The following SPAG16 variants were observed in gnomAD, a reference collection of about 807,000 sequenced individuals.
SPAG16 encodes sperm associated antigen 16.
Under a neutral mutation model 80.4 loss-of-function variants are expected in SPAG16, and 86 were observed. The ratio of observed to expected loss-of-function variants is 1.07; its 90% CI spans 0.90 to 1.28. The LOEUF (loss-of-function observed/expected upper bound fraction) is 1.28. Ranked by LOEUF, SPAG16 falls within the 50% of genes most tolerant of loss-of-function variation. The pLI, the probability that SPAG16 is intolerant of heterozygous loss-of-function variation, is 0.00. For missense variants in SPAG16, 870 were observed against 765.3 expected, an observed-to-expected ratio of 1.14 and a Z score of -1.61; for synonymous variants, 294 against 265.9, an observed-to-expected ratio of 1.11 and a Z score of -1.03.
chr2:213,504,736 T>C (rs770839980), intron 10 of SPAG16, among the ~76,000 whole-genome samples: 7 of 152,000 alleles, frequency 4.6e-5, no homozygotes, highest in Non-Finnish European at 8.8e-5. Context: ...AGAAAGAAAA[T>C]ATGGTGGAAA....
chr2:213,443,556 T>C (rs2071115007), intron 9 of SPAG16, among the ~76,000 whole-genome samples: 1 of 152,220 alleles, frequency 6.6e-6, no homozygotes, highest in Non-Finnish European at 1.5e-5. Context: ...AATCTGTCAG[T>C]AGACACCTAT....
intron 10 of SPAG16, among the ~76,000 whole-genome samples, chr2:213,679,471 A>C (rs930627542): frequency 1.3e-5 from 2 of 152,174 alleles, no homozygotes; most frequent in Non-Finnish European, 2.9e-5. Flanking sequence ...AGTAAGAACA[A>C]TTGTAATTTT....
intron 9 of SPAG16, among the ~76,000 whole-genome samples, chr2:213,441,951 A>T (rs2070993556): frequency 6.6e-6 from 1 of 152,238 alleles, no homozygotes; most frequent in South Asian, 2.1e-4. Flanking sequence ...GCTCAAGACC[A>T]GCCTGGCCAA....
intron 11 of SPAG16, among the ~76,000 whole-genome samples, chr2:213,900,429 G>A (rs768498694): frequency 6.6e-6 from 1 of 152,100 alleles, no homozygotes; most frequent in Non-Finnish European, 1.5e-5. Flanking sequence ...TAAGTGCAAG[G>A]TTGTAAGATA....
intron 13 of SPAG16, among the ~76,000 whole-genome samples, chr2:214,075,635 T>C (rs1439705038): frequency 6.6e-6 from 1 of 152,116 alleles, no homozygotes; most frequent in Admixed American, 6.6e-5. Context: ...CTTCATATCC[T>C]CAGGGGAATA....
intron 7 of SPAG16, among the ~76,000 whole-genome samples, chr2:213,355,592 T>G (rs991119869): frequency 7.2e-5 from 11 of 152,336 alleles, no homozygotes; most frequent in Admixed American, 1.3e-4. Flanking sequence ...CCCTTGTAAG[T>G]TGGATTCCTA....
At chr2:213,956,440 T>G (rs2044141297) in intron 12 of SPAG16, among the ~76,000 whole-genome samples, 1 of 137,350 alleles carries the variant, frequency 7.3e-6, no homozygotes, top group Admixed American at 8.4e-5. Context: ...TACTCCATTT[T>G]TTTTCCTTTT....
intron 11 of SPAG16, among the ~76,000 whole-genome samples, chr2:213,913,988 A>G (rs2077827696): frequency 6.6e-6 from 1 of 152,170 alleles, no homozygotes; most frequent in African/African-American, 2.4e-5. Context: ...ACATCTACTG[A>G]TTTATGTGTT....
intron 10 of SPAG16, among the ~76,000 whole-genome samples, chr2:213,773,650 G>T (rs527383812): frequency 6.4e-4 from 97 of 152,218 alleles, no homozygotes; most frequent in African/African-American, 2.2e-3. Context: ...TGCCTCCCAG[G>T]TTCAAGCAGT....
Position 214,315,986 on chromosome 2 carries a change from A to G in SPAG16, c.1721-94154A>G, listed in dbSNP as rs77947401. 4.5e-3 allele frequency among the ~76,000 whole-genome samples: 691 copies of G among 152,300 alleles called. 4 individuals carry two copies. The highest frequency in any genetic ancestry group is 0.016 in the African/African-American group (656 of 41,568). ...AGTAAATAAAATGAGATTTGAGAAT[A>G]TGCTGTCATTGATCTGCCCTAGCTT... On this transcript the variant is annotated intron_variant, in intron 15 of 15. Coordinates refer to ENST00000331683, the MANE Select transcript of SPAG16 (RefSeq NM_024532.5).
At chr2:213,844,347 A>G (rs1177629613) in intron 10 of SPAG16, among the ~76,000 whole-genome samples, 1 of 152,196 alleles carries the variant, frequency 6.6e-6, no homozygotes, top group Non-Finnish European at 1.5e-5. Flanking sequence ...GGAAAATATC[A>G]TAATTGGTAA....
intron 10 of SPAG16, among the ~76,000 whole-genome samples, chr2:213,574,501 A>T (rs2060045749): frequency 6.6e-6 from 1 of 152,054 alleles, no homozygotes; most frequent in South Asian, 2.1e-4. Flanking sequence ...CCATGTGCCA[A>T]GAAGGATATT....
intron 9 of SPAG16, among the ~76,000 whole-genome samples, chr2:213,443,017 T>C (rs935636879): frequency 6.6e-6 from 1 of 152,134 alleles, no homozygotes; most frequent in African/African-American, 2.4e-5. Flanking sequence ...TAAAGGACCA[T>C]TATACAAAAA....
At chr2:214,061,570 A>T (rs1487947993) in intron 13 of SPAG16, among the ~76,000 whole-genome samples, 1 of 152,138 alleles carries the variant, frequency 6.6e-6, no homozygotes, top group African/African-American at 2.4e-5. Flanking sequence ...GGGGGTCCTC[A>T]GTTTTTTTCT....
intron 15 of SPAG16, among the ~76,000 whole-genome samples, chr2:214,351,384 GTGTC>G (rs1698394508): frequency 6.6e-6 from 1 of 151,068 alleles, no homozygotes; most frequent in African/African-American, 2.5e-5. Flanking sequence ...GATTGTCTGT[GTGTC>G]TGTGTGTGTG....
At chr2:214,349,153 G>A (rs1300124198) in intron 15 of SPAG16, among the ~76,000 whole-genome samples, 6 of 152,054 alleles carry the variant, frequency 3.9e-5, no homozygotes, top group African/African-American at 1.4e-4. Flanking sequence ...CAGACTCCCT[G>A]CATGTGTACA....
At chr2:214,370,282 A>G (rs1431345219) in intron 15 of SPAG16, among the ~76,000 whole-genome samples, 1 of 152,140 alleles carries the variant, frequency 6.6e-6, no homozygotes, top group African/African-American at 2.4e-5. Context: ...GTTTTTAGAA[A>G]AAGAAGTCAT....
chr2:213,994,577 CTTT>C (rs5838404), intron 12 of SPAG16, among the ~76,000 whole-genome samples: 18 of 139,098 alleles, frequency 1.3e-4, no homozygotes, highest in Non-Finnish European at 1.6e-4. Context: ...ATTTTCCATC[CTTT>C]TTTTTTTTTT....
intron 13 of SPAG16, among the ~76,000 whole-genome samples, chr2:214,060,029 G>A (rs1369607692): frequency 2.6e-5 from 4 of 152,118 alleles, no homozygotes; most frequent in Admixed American, 2.6e-4. Flanking sequence ...GCCCAGTAAT[G>A]CAGGTGAGTG....
Sources: gnomAD v4.1 joint callset for allele counts (sites outside exome capture counted in the v4.1 genomes callset) on GRCh38, gnomAD v4.1.1 for gene constraint, MANE v1.5 for transcripts, NCBI Gene and HGNC (gene_info 2026-07-23, HGNC 2026-07-21) for gene names.